ASIP: variants seen among roughly 807,000 people sequenced by gnomAD.
The protein encoded by ASIP is agouti-signaling protein.
A neutral mutation model predicts 10.3 loss-of-function variants in ASIP; 11 were observed. The observed-to-expected ratio is 1.07, with a 90% CI of 0.68 to 1.78. The LOEUF (loss-of-function observed/expected upper bound fraction) is 1.78, where lower values mean the gene tolerates loss of function less well. Ranked by LOEUF, ASIP falls within the 40% of genes most tolerant of loss-of-function variation. The pLI is 0.00. For synonymous variants in ASIP, 70 were observed against 70.8 expected (o/e 0.99, Z 0.06); for missense variants, 180 against 169.2 (o/e 1.06, Z -0.35).
intron 1 of ASIP, among the ~76,000 whole-genome samples, chr20:34,258,273 A>C (rs1227378806): frequency 3.3e-5 from 5 of 152,000 alleles, no homozygotes; most frequent in African/African-American, 1.2e-4. Context: ...GGAGTTGGCA[A>C]ACTTTTTCTG....
At chr20:34,232,876 G>A (rs1336300530) in intron 1 of ASIP, among the ~76,000 whole-genome samples, 1 of 152,224 alleles carries the variant, frequency 6.6e-6, no homozygotes, top group Admixed American at 6.5e-5. Flanking sequence ...CCTGATGACA[G>A]TGTGCCTCAA....
chr20:34,218,948 C>T (rs570736126), intron 1 of ASIP, among the ~76,000 whole-genome samples: 49 of 152,156 alleles, frequency 3.2e-4, no homozygotes, highest in Non-Finnish European at 6.6e-4. Flanking sequence ...CAGGTGTGAG[C>T]CACCACGCCT....
rs539994703 is a variant in ASIP at position 34,233,733 on chromosome 20, C to T, written c.-10-26632C>T. Among the ~76,000 whole-genome samples the T allele has an allele frequency of 5.9e-5, 9 of 152,254 alleles. No individual in the cohort carries two copies. In the East Asian group the frequency reaches 1.5e-3, roughly 26 times the overall value. ...CTAAAAAATGCAGTATTATCACCAT[C>T]CAGAAAGCCAAAATCATGACACAGA... is the stretch of plus-strand genomic sequence containing the variant. On this transcript the variant is annotated intron_variant, in intron 1 of 3. Coordinates refer to the ASIP transcript ENST00000568305.
intron 1 of ASIP, among the ~76,000 whole-genome samples, chr20:34,205,580 G>C (rs965137241): frequency 7.1e-6 from 1 of 141,734 alleles, no homozygotes; most frequent in African/African-American, 3.0e-5. Context: ...CAAACGGGTT[G>C]CTGCTACTGG....
At chr20:34,194,525 GA>G (rs149201549), upstream of ASIP, 185 of 131,126 alleles carry the variant, frequency 1.4e-3, no homozygotes, top group Middle Eastern at 0.012. Context: ...TGTTTCAAAG[GA>G]AAAAAAAAAA....
At chr20:34,214,227 T>C (rs1360923421) in intron 1 of ASIP, 2 of 1,370,822 alleles carry the variant, frequency 1.5e-6, no homozygotes, top group African/African-American at 2.9e-5. Context: ...AGAAAACAGG[T>C]AAGCCATCTT....
At chr20:34,221,809 C>A (rs1052562915) in intron 1 of ASIP, among the ~76,000 whole-genome samples, 11 of 152,204 alleles carry the variant, frequency 7.2e-5, no homozygotes, top group African/African-American at 2.4e-4. Flanking sequence ...GAGCAAAGGA[C>A]ACTGTAATGA....
intron 3 of ASIP, 31 bp downstream of exon 3, chr20:34,262,924 T>C (rs150059097): frequency 2.5e-6 from 4 of 1,612,160 alleles, no homozygotes; most frequent in South Asian, 1.1e-5. Flanking sequence ...GGAGTTCTCA[T>C]TGTTGGGGTG....
intron 1 of ASIP, among the ~76,000 whole-genome samples, chr20:34,258,345 T>C (rs2035609554): frequency 7.5e-6 from 1 of 132,514 alleles, no homozygotes; most frequent in Non-Finnish European, 1.5e-5. Flanking sequence ...CGTTGGATAT[T>C]CTTTTTTTTT....
At chr20:34,214,690 T>C in intron 1 of ASIP, 1 of 1,086,528 alleles carries the variant, frequency 9.2e-7, no homozygotes, top group Admixed American at 1.7e-5. Flanking sequence ...TTGACCCTCA[T>C]TTTCAAAGTT....
chr20:34,223,121 G>A (rs914984458), intron 1 of ASIP, among the ~76,000 whole-genome samples: 13 of 137,256 alleles, frequency 9.5e-5, no homozygotes, highest in African/African-American at 3.5e-4. Flanking sequence ...CCTCTGCCTG[G>A]CTGCCCAGTC....
chr20:34,218,810 C>T (rs2035026600), intron 1 of ASIP, among the ~76,000 whole-genome samples: 1 of 152,046 alleles, frequency 6.6e-6, no homozygotes, highest in African/African-American at 2.4e-5. Context: ...CTGCAGGCGC[C>T]CGCCACCACG....
intron 1 of ASIP, among the ~76,000 whole-genome samples, chr20:34,248,460 C>G (rs535233167): frequency 4.6e-5 from 7 of 152,302 alleles, no homozygotes; most frequent in African/African-American, 1.2e-4. Flanking sequence ...AAATCATTGT[C>G]TATTTTCAGA....
At chr20:34,241,347 G>T (rs1002170344), upstream of ASIP, 1 of 622,842 alleles carries the variant, frequency 1.6e-6, no homozygotes, top group Admixed American at 6.3e-5. Context: ...TGTGAGATGT[G>T]GTGAAGTTTG....
chr20:34,254,108 C>T (rs1047381435), intron 1 of ASIP, among the ~76,000 whole-genome samples: 3 of 151,850 alleles, frequency 2.0e-5, no homozygotes, highest in African/African-American at 7.3e-5. Context: ...TGTCACCCAG[C>T]CTGCAGTGCA....
chr20:34,194,742 G>A (rs1173345913), exon 1 of ASIP: 1 of 151,960 alleles, frequency 6.6e-6, no homozygotes, highest in African/African-American at 2.4e-5. Flanking sequence ...TCCTGGAACA[G>A]GGCCCTGTAT....
intron 1 of ASIP, among the ~76,000 whole-genome samples, chr20:34,216,259 G>A (rs1420203813): frequency 2.0e-5 from 3 of 152,342 alleles, no homozygotes; most frequent in Admixed American, 6.5e-5. Flanking sequence ...TAACGCCGCC[G>A]CCGCCGTCGC....
At chr20:34,201,017 CTTCTTTCTTTCT>C (rs1215561275) in intron 1 of ASIP, among the ~76,000 whole-genome samples, 712 of 63,412 alleles carry the variant, frequency 0.011, 8 homozygotes, top group Middle Eastern at 0.026. Flanking sequence ...TCCTTCCTTC[CTTCTTTCTTTCT>C]TTCTTTCTTT....
At chr20:34,250,410 A>G (rs530686012) in intron 1 of ASIP, among the ~76,000 whole-genome samples, 102 of 152,344 alleles carry the variant, frequency 6.7e-4, no homozygotes, top group African/African-American at 2.3e-3. Context: ...TGGTGCCCCT[A>G]TAGTCCCAGC....
Sources: gnomAD v4.1 joint callset for allele counts (sites outside exome capture counted in the v4.1 genomes callset) on GRCh38, gnomAD v4.1.1 for gene constraint, MANE v1.5 for transcripts, NCBI Gene and HGNC (gene_info 2026-07-23, HGNC 2026-07-21) for gene names.